The following NUP98 variants were observed in gnomAD, a reference collection of about 807,000 sequenced individuals.
NUP98 encodes the protein nucleoporin 98 and 96 precursor.
In NUP98, 26 loss-of-function variants were observed where a neutral mutation model predicts 191.9. That is an observed-to-expected ratio of 0.14 (90% CI 0.10 to 0.19). The LOEUF (loss-of-function observed/expected upper bound fraction) is 0.19. NUP98 is among the 10% of genes least tolerant of loss of function. The pLI is 1.00. For synonymous variants in NUP98, 808 were observed against 778.4 expected, an observed-to-expected ratio of 1.04 and a Z score of -0.63; for missense variants, 1,941 against 2,178.8, an observed-to-expected ratio of 0.89 and a Z score of 2.17.
At chr11:3,707,711 C>T (rs2078899180) in intron 20 of NUP98, among the ~76,000 whole-genome samples, 1 of 105,526 alleles carries the variant, frequency 9.5e-6, no homozygotes, top group Non-Finnish European at 1.8e-5. Context: ...TGCATTCCAG[C>T]ATGGGCAACA....
intron 12 of NUP98, among the ~76,000 whole-genome samples, chr11:3,740,253 G>A (rs891880209): frequency 6.6e-6 from 1 of 152,212 alleles, no homozygotes; most frequent in Non-Finnish European, 1.5e-5. Context: ...GCTCACACCT[G>A]TAACCCCAGC....
chr11:3,769,658 G>A (rs1199677239), intron 7 of NUP98, among the ~76,000 whole-genome samples: 2 of 151,878 alleles, frequency 1.3e-5, no homozygotes, highest in Non-Finnish European at 2.9e-5. Flanking sequence ...GGACATGGTG[G>A]TTCACACTGG....
chr11:3,702,905 G>C lies in NUP98; in HGVS notation c.3083-13C>G, dbSNP rs116892459. On this transcript the variant is annotated splice_polypyrimidine_tract_variant and intron_variant, in intron 22 of 32. Coordinates refer to ENST00000324932, the MANE Select transcript of NUP98 (RefSeq NM_016320.5). ...AGTAACCCACCAACTGAAATGAAGC[G>C]GGAATGAAGGGGAGAAAGACTATTA... The C allele has an allele frequency of 0.017, 26,547 of 1,580,898 alleles. 275 individuals are homozygous for C. The highest frequency in any genetic ancestry group is 0.02 in the Non-Finnish European group (23,583 of 1,159,760).
chr11:3,726,788 T>G (rs919813998), intron 14 of NUP98, among the ~76,000 whole-genome samples: 4 of 147,580 alleles, frequency 2.7e-5, no homozygotes, highest in Non-Finnish European at 4.5e-5. Context: ...TTTTCTTTCT[T>G]TTTTTTTTTT....
At chr11:3,741,531 G>A (rs570273247) in intron 12 of NUP98, among the ~76,000 whole-genome samples, 1 of 152,154 alleles carries the variant, frequency 6.6e-6, no homozygotes, top group Admixed American at 6.6e-5. Context: ...TGAGGAAGGA[G>A]AATCGCTTCA....
chr11:3,760,431 A>G, intron 10 of NUP98, 108 bp downstream of exon 10: 1 of 1,469,262 alleles, frequency 6.8e-7, no homozygotes, highest in South Asian at 1.2e-5. Context: ...TCAGGAGAAT[A>G]ACGTGTGGTA....
intron 25 of NUP98, among the ~76,000 whole-genome samples, chr11:3,697,497 A>G (rs2078545288): frequency 6.6e-6 from 1 of 152,096 alleles, no homozygotes; most frequent in African/African-American, 2.4e-5. Context: ...AAGCTGAACT[A>G]TGCCATCCTG....
At chr11:3,772,375 A>G (rs2081557488) in intron 6 of NUP98, among the ~76,000 whole-genome samples, 1 of 152,234 alleles carries the variant, frequency 6.6e-6, no homozygotes, top group South Asian at 2.1e-4. Flanking sequence ...AAGTAAGCAT[A>G]GTTTGGTATG....
chr11:3,713,320 G>A (rs919675636), intron 19 of NUP98, among the ~76,000 whole-genome samples: 11 of 152,164 alleles, frequency 7.2e-5, no homozygotes, highest in African/African-American at 2.2e-4. Flanking sequence ...CTTGAATCAC[G>A]AGCCCACAGT....
chr11:3,723,251 C>A lies in NUP98; in HGVS notation c.2052G>T (p.Leu684=). 3 of 1,614,104 alleles carry A rather than the reference C, an allele frequency of 1.9e-6. No individual in the cohort carries two copies. The highest frequency in any genetic ancestry group is 2.5e-6 in the Non-Finnish European group (3 of 1,179,990). ...AAGACGTTTCTTCACTGCTTCCTTCCAGCCCATTTCGCAAAGCAGCACGCA... is the reference window on the plus strand; with the variant it reads ...AAGACGTTTCTTCACTGCTTCCTTCAAGCCCATTTCGCAAAGCAGCACGCA... ...LNMRAALRNG[L]EGSSEETSFH... The change falls in exon 16 of 33, where the codon CTG becomes CTT. Residue 684 remains leucine, a synonymous_variant. Coordinates refer to ENST00000324932, the MANE Select transcript of NUP98 (RefSeq NM_016320.5).
At chr11:3,774,164 C>A (rs2081622744) in intron 5 of NUP98, among the ~76,000 whole-genome samples, 3 of 152,070 alleles carry the variant, frequency 2.0e-5, no homozygotes, top group Admixed American at 1.3e-4. Context: ...CTCTGGGAGG[C>A]CGAGGCGGGT....
chr11:3,752,789 T>C (rs1170592054), intron 11 of NUP98, among the ~76,000 whole-genome samples: 1 of 152,184 alleles, frequency 6.6e-6, no homozygotes. Flanking sequence ...TAAAAACAGC[T>C]GGGCAGGTAG....
At chr11:3,699,534 T>C (rs142518179) in intron 24 of NUP98, among the ~76,000 whole-genome samples, 186 bp from the exon 25 acceptor site, 3 of 152,338 alleles carry the variant, frequency 2.0e-5, no homozygotes, top group African/African-American at 7.2e-5. Flanking sequence ...CAGAAGTACA[T>C]AGTATAAATA....
intron 31 of NUP98, among the ~76,000 whole-genome samples, chr11:3,678,260 C>CA (rs1399601204): frequency 1.3e-5 from 2 of 151,648 alleles, no homozygotes; most frequent in South Asian, 2.1e-4. Flanking sequence ...CTGTCTACCC[C>CA]ACCCACCTTT....
At chr11:3,679,970 A>C (rs2077936943) in intron 30 of NUP98, among the ~76,000 whole-genome samples, 1 of 152,248 alleles carries the variant, frequency 6.6e-6, no homozygotes, top group Non-Finnish European at 1.5e-5. Context: ...ACTGTCACTT[A>C]TTAAGTGTGC....
intron 14 of NUP98, among the ~76,000 whole-genome samples, chr11:3,729,902 C>G (rs2079777537): frequency 6.6e-6 from 1 of 151,896 alleles, no homozygotes; most frequent in Non-Finnish European, 1.5e-5. Flanking sequence ...GATGACTGGA[C>G]TACTGTAAAC....
intron 29 of NUP98, among the ~76,000 whole-genome samples, chr11:3,685,236 G>A (rs1263881131): frequency 1.3e-5 from 2 of 149,448 alleles, no homozygotes; most frequent in East Asian, 2.1e-4. Context: ...TGTTCAAACC[G>A]CAGTGAAAAG....
chr11:3,705,121 G>C (rs1309399621), intron 22 of NUP98, 79 bp downstream of exon 22: 4 of 1,375,698 alleles, frequency 2.9e-6, no homozygotes, highest in Non-Finnish European at 4.1e-6. Flanking sequence ...AAGTCCACTT[G>C]GGTTAGAAGA....
At position 3,768,565 on chromosome 11, in the gene NUP98, G is replaced by A; in HGVS notation, c.948+16C>T. 6.5e-7 allele frequency: 1 copy of A among 1,537,006 alleles called. No individual in the cohort carries two copies. Among genetic ancestry groups the A allele is most frequent in the Non-Finnish European group, 8.8e-7 (1 of 1,139,892 alleles). ...AAAAATAAGACATGGAGGTAAGTAA[G>A]GGTCTGTTTCCTTACCATGGTGTTG... On this transcript the variant is annotated intron_variant, in intron 8 of 32. Coordinates refer to ENST00000324932, the MANE Select transcript of NUP98 (RefSeq NM_016320.5).
Sources: allele counts gnomAD v4.1 joint callset (sites outside exome capture counted in the v4.1 genomes callset), GRCh38; gene constraint gnomAD v4.1.1; transcripts MANE v1.5; gene names NCBI Gene and HGNC (gene_info 2026-07-23, HGNC 2026-07-21).